The following FAM167A variants were observed in gnomAD, a reference collection of about 807,000 sequenced individuals.
FAM167A encodes family with sequence similarity 167 member A.
A neutral mutation model predicts 14.9 loss-of-function variants in FAM167A; 23 were observed. The ratio of observed to expected loss-of-function variants is 1.55; its 90% CI spans 1.11 to 2.19. The LOEUF (loss-of-function observed/expected upper bound fraction) is 2.19. FAM167A is among the 30% of genes most tolerant of loss of function. The probability of loss-of-function intolerance (pLI) is 0.00; values close to 1 mark genes in which losing one functional copy is unlikely to be tolerated. For synonymous variants in FAM167A, 174 were observed against 117.7 expected (o/e 1.48, Z -3.10); for missense variants, 401 against 281.5 (o/e 1.42, Z -3.04).
intron 1 of FAM167A, among the ~76,000 whole-genome samples, chr8:11,459,278 A>C (rs1253448943): frequency 6.6e-6 from 1 of 152,198 alleles, no homozygotes; most frequent in Non-Finnish European, 1.5e-5. Context: ...GTTCACAAGC[A>C]GGTCAGGGAA....
rs1806626245 is a variant in FAM167A, at chr8:11,444,138, G to T, written c.274C>A (p.Pro92Thr). 6.2e-7 allele frequency: 1 copy of T among 1,613,050 alleles called. No homozygotes were observed. Among genetic ancestry groups the T allele is most frequent in the Admixed American group, 1.7e-5 (1 of 59,984 alleles). The change falls in exon 2 of 3, where the codon CCC becomes ACC. Residue 92 changes from proline to threonine, a missense_variant. By Grantham distance (38) the Pro-to-Thr change is conservative. Coordinates refer to ENST00000284486, the MANE Select transcript of FAM167A (RefSeq NM_053279.3). ...TGGCTGGCACTCCTGGCAGAAGGGGGGTGCTGCCCAGCCTCTCTCAGGGGG... is the reference window on the plus strand; with the variant it reads ...TGGCTGGCACTCCTGGCAGAAGGGGTGTGCTGCCCAGCCTCTCTCAGGGGG... ...LLPLREAGQH[P>T]PSARSASQGA...
At chr8:11,475,183 C>T (rs757272718) in intron 1 of FAM167A, among the ~76,000 whole-genome samples, 2 of 152,180 alleles carry the variant, frequency 1.3e-5, no homozygotes, top group Non-Finnish European at 2.9e-5. Context: ...GTGGTGCCCC[C>T]ACCTTAGGAC....
At chr8:11,465,736 G>C (rs1315203018) in intron 1 of FAM167A, among the ~76,000 whole-genome samples, 1 of 152,214 alleles carries the variant, frequency 6.6e-6, no homozygotes, top group Non-Finnish European at 1.5e-5. Flanking sequence ...CTGCTTTGGA[G>C]CATGTGCCCC....
intron 2 of FAM167A, among the ~76,000 whole-genome samples, chr8:11,433,224 AAAAG>A (rs1805742352): frequency 6.6e-6 from 1 of 152,108 alleles, no homozygotes; most frequent in Non-Finnish European, 1.5e-5. Flanking sequence ...TAAAAAATAA[AAAAG>A]AACATGTAAT....
chr8:11,431,189 A>G (rs544449189), intron 2 of FAM167A, among the ~76,000 whole-genome samples: 2 of 152,382 alleles, frequency 1.3e-5, no homozygotes, highest in Admixed American at 6.5e-5. Context: ...GCCTATCCAT[A>G]AAGTGGAATA....
chr8:11,443,478 G>A (rs1248094988), intron 2 of FAM167A: 1 of 157,174 alleles, frequency 6.4e-6, no homozygotes, highest in Non-Finnish European at 1.4e-5. Context: ...GCCGACTCTG[G>A]GCAGCTCCAC....
upstream of FAM167A, among the ~76,000 whole-genome samples, chr8:11,472,437 G>GTTTTT (rs113039104): frequency 9.8e-5 from 12 of 122,516 alleles, no homozygotes; most frequent in South Asian, 2.8e-4. Context: ...TGTTTTTTGG[G>GTTTTT]TTTTTTTTTT....
intron 1 of FAM167A, among the ~76,000 whole-genome samples, chr8:11,455,347 TGA>T (rs1807198044): frequency 7.3e-6 from 1 of 136,208 alleles, no homozygotes; most frequent in Non-Finnish European, 1.5e-5. Flanking sequence ...TTGCTGTGTA[TGA>T]GTGTGAGGAG....
At position 11,452,734 on chromosome 8, in the gene FAM167A, T is replaced by C. The variant is rs202151957; in HGVS notation, c.-397-7926A>G. On this transcript the variant is annotated intron_variant, in intron 1 of 2. Transcript: ENST00000284486. ...AAGCCCAAGCTCCCATAAACAGACG[T>C]GACGGCCTGAGATCCTGGCCCAGAA... Among the ~76,000 whole-genome samples, 9 of 152,326 alleles carry C rather than the reference T, an allele frequency of 5.9e-5. No homozygotes were observed. The East Asian group carries it at 9.7e-4, about 16-fold the overall frequency.
chr8:11,435,056 C>G (rs2117038037), intron 2 of FAM167A: 2 of 456,928 alleles, frequency 4.4e-6, no homozygotes, highest in Non-Finnish European at 8.8e-6. Context: ...TGTCTCCACT[C>G]AAGAGGCTGA....
intron 2 of FAM167A, among the ~76,000 whole-genome samples, chr8:11,436,193 CT>C (rs1805997595): frequency 6.6e-6 from 1 of 152,248 alleles, no homozygotes. Flanking sequence ...CGTCAAAGGG[CT>C]GGTAATGCCA....
chr8:11,435,920 A>C (rs67909842), intron 2 of FAM167A, among the ~76,000 whole-genome samples: 1 of 152,182 alleles, frequency 6.6e-6, no homozygotes, highest in African/African-American at 2.4e-5. Flanking sequence ...TCCCGTCTTC[A>C]TACACAGAAC....
intron 1 of FAM167A, chr8:11,445,459 G>A: frequency 4.1e-6 from 4 of 985,934 alleles, no homozygotes; most frequent in Non-Finnish European, 4.8e-6. Flanking sequence ...ACCTGCAGCT[G>A]TGGAGGGAAG....
intron 1 of FAM167A, among the ~76,000 whole-genome samples, chr8:11,451,374 T>G (rs2117113416): frequency 6.7e-6 from 1 of 148,564 alleles, no homozygotes; most frequent in East Asian, 1.9e-4. Context: ...ACCTTCCGCC[T>G]TTTTTGCTTC....
At position 11,424,182 on chromosome 8, in the gene FAM167A, G is replaced by C. The variant is rs1208911116; in HGVS notation, c.*191C>G. On this transcript the variant is annotated 3_prime_UTR_variant, in exon 3 of 3. Coordinates refer to ENST00000284486, the MANE Select transcript of FAM167A (RefSeq NM_053279.3). The stretch of plus-strand genomic sequence containing the variant: ...GTAGTAAGCAAGAGCCAGTCACAGA[G>C]ACACTGGCATCCACACCCAGGGCCC... 4.6e-6 allele frequency: 3 copies of C among 651,124 alleles called. No individual in the cohort carries two copies. In the African/African-American group the frequency reaches 5.5e-5, roughly 12 times the overall value. 40.3% of individuals were successfully genotyped at this position (651,124 alleles called of 1,614,324 possible).
chr8:11,433,599 G>A (rs1408357007), intron 2 of FAM167A, among the ~76,000 whole-genome samples: 3 of 152,174 alleles, frequency 2.0e-5, no homozygotes, highest in Admixed American at 6.5e-5. Flanking sequence ...AACCAGAGGC[G>A]AAAGAGTGCG....
intron 1 of FAM167A, among the ~76,000 whole-genome samples, chr8:11,445,968 A>G (rs557809220): frequency 1.3e-5 from 2 of 151,324 alleles, no homozygotes; most frequent in East Asian, 3.9e-4. Context: ...AAAAGGAGAA[A>G]GAAAGAGGGA....
At chr8:11,453,318 A>G (rs1049414229) in intron 1 of FAM167A, among the ~76,000 whole-genome samples, 4 of 152,336 alleles carry the variant, frequency 2.6e-5, no homozygotes, top group East Asian at 1.9e-4. Flanking sequence ...AACTGCAGGC[A>G]TGTGCCACCA....
At position 11,424,467 on chromosome 8, in the gene FAM167A, G is replaced by C. The variant is rs1376537132; in HGVS notation, c.551C>G (p.Ser184Cys). 1 of 1,614,022 alleles carries C rather than the reference G, an allele frequency of 6.2e-7. No individual in the cohort carries two copies. Among genetic ancestry groups the C allele is most frequent in the Non-Finnish European group, 8.5e-7 (1 of 1,180,018 alleles). The change falls in exon 3 of 3, where the codon TCC becomes TGC. Residue 184 changes from serine (S) to cysteine (C), a missense_variant. Transcript: ENST00000284486. ...RDELADLFCD[S>C]PLASSFSLST... ...GAGGCTGAAGGAGGAGGCAAGAGGG[G>C]AGTCACAGAAGAGGTCGGCCAGCTC... is the stretch of plus-strand genomic sequence containing the variant.
Sources: allele counts gnomAD v4.1 joint callset (sites outside exome capture counted in the v4.1 genomes callset), GRCh38; gene constraint gnomAD v4.1.1; transcripts MANE v1.5; gene names NCBI Gene and HGNC (gene_info 2026-07-23, HGNC 2026-07-21).